MACROD2: variants seen among roughly 807,000 people sequenced by gnomAD.
The protein encoded by MACROD2 is ADP-ribose glycohydrolase MACROD2.
In MACROD2, 36 loss-of-function variants were observed where a neutral mutation model predicts 70.4. The observed-to-expected ratio is 0.51, with a 90% CI of 0.39 to 0.68. The LOEUF (loss-of-function observed/expected upper bound fraction) is 0.68. MACROD2 is among the 30% of genes least tolerant of loss of function. The probability of loss-of-function intolerance (pLI) is 0.00; values close to 1 mark genes in which losing one functional copy is unlikely to be tolerated. For missense variants in MACROD2, 496 were observed against 538.4 expected, an observed-to-expected ratio of 0.92 and a Z score of 0.78; for synonymous variants, 172 against 178.8, an observed-to-expected ratio of 0.96 and a Z score of 0.30.
intron 12 of MACROD2, among the ~76,000 whole-genome samples, chr20:15,961,455 A>G (rs1169210063): frequency 1.3e-5 from 2 of 152,212 alleles, no homozygotes; most frequent in East Asian, 1.9e-4. Context: ...CTCAGCAGCA[A>G]CACTCAGCCA....
At chr20:14,173,260 T>C (rs1231230991) in intron 3 of MACROD2, among the ~76,000 whole-genome samples, 2 of 152,224 alleles carry the variant, frequency 1.3e-5, no homozygotes, top group African/African-American at 4.8e-5. Flanking sequence ...CTTTTCTTCC[T>C]TGGGACCACC....
intron 5 of MACROD2, among the ~76,000 whole-genome samples, chr20:14,930,995 T>A (rs2074290765): frequency 2.6e-5 from 4 of 151,758 alleles, no homozygotes. Context: ...TGAGACCCCA[T>A]CCTTAAAAAT....
intron 8 of MACROD2, among the ~76,000 whole-genome samples, chr20:15,659,687 T>C (rs930556368): frequency 5.3e-5 from 8 of 151,656 alleles, no homozygotes; most frequent in African/African-American, 1.9e-4. Context: ...CTACAAAGAA[T>C]ACCTGAGGCT....
intron 3 of MACROD2, among the ~76,000 whole-genome samples, chr20:14,439,621 C>A (rs1437696794): frequency 6.6e-6 from 1 of 152,056 alleles, no homozygotes; most frequent in Non-Finnish European, 1.5e-5. Flanking sequence ...CTACTTATAG[C>A]TGTACAACTT....
chr20:15,152,200 C>T (rs553670734), intron 5 of MACROD2, among the ~76,000 whole-genome samples: 5 of 151,824 alleles, frequency 3.3e-5, no homozygotes, highest in Admixed American at 1.3e-4. Flanking sequence ...TGGGGTCAAG[C>T]GGCATTGCAG....
chr20:14,724,707 G>T (rs1028505331), intron 5 of MACROD2, among the ~76,000 whole-genome samples: 1 of 152,116 alleles, frequency 6.6e-6, no homozygotes, highest in Non-Finnish European at 1.5e-5. Context: ...AGGCAAAAAG[G>T]CCAGTGAGAC....
intron 4 of MACROD2, among the ~76,000 whole-genome samples, chr20:14,511,804 A>G (rs1264302885): frequency 6.6e-6 from 1 of 152,124 alleles, no homozygotes; most frequent in African/African-American, 2.4e-5. Flanking sequence ...TGATTTAGTA[A>G]TATCCTTTAG....
intron 5 of MACROD2, among the ~76,000 whole-genome samples, chr20:14,940,916 G>A (rs2074384228): frequency 6.7e-6 from 1 of 148,934 alleles, no homozygotes; most frequent in Non-Finnish European, 1.5e-5. Context: ...TGTAGAAGGA[G>A]TTTGGATATA....
chr20:14,675,480 A>C (rs973070108), intron 4 of MACROD2, among the ~76,000 whole-genome samples: 9 of 152,098 alleles, frequency 5.9e-5, no homozygotes, highest in Admixed American at 2.6e-4. Flanking sequence ...GGAGAAATAA[A>C]ATCCTTTACA....
intron 3 of MACROD2, among the ~76,000 whole-genome samples, chr20:14,469,203 A>G: frequency 6.6e-6 from 1 of 152,128 alleles, no homozygotes; most frequent in East Asian, 1.9e-4. Flanking sequence ...GTTTGCCTGT[A>G]TATGAAATTC....
At chr20:14,460,624 GC>G (rs373949253) in intron 3 of MACROD2, among the ~76,000 whole-genome samples, 8 of 152,144 alleles carry the variant, frequency 5.3e-5, no homozygotes, top group African/African-American at 1.9e-4. Context: ...TGAGTTTTTA[GC>G]ATGAAGGGGT....
rs1048459369 is a variant in MACROD2 at position 15,321,723 on chromosome 20, C to A, written c.540+91662C>A. On this transcript the variant is annotated intron_variant, in intron 6 of 17. Coordinates refer to ENST00000684519, the MANE Select transcript of MACROD2 (RefSeq NM_001351661.2). ...TGAGAAAACATTATTTTTTGCCCTGCAAGAGAACAAGTGAATCCATTTGCA... is the reference window on the plus strand; with the variant it reads ...TGAGAAAACATTATTTTTTGCCCTGAAAGAGAACAAGTGAATCCATTTGCA... Among the ~76,000 whole-genome samples, 5 of 144,218 alleles carry A rather than the reference C, an allele frequency of 3.5e-5. 1 individual carries two copies. The highest frequency in any genetic ancestry group is 7.4e-5 in the African/African-American group (3 of 40,370). The allele number at this position is 144,218 out of a possible 152,430, so 94.6% of individuals were successfully genotyped here.
intron 8 of MACROD2, among the ~76,000 whole-genome samples, chr20:15,501,457 A>G (rs6043331): frequency 0.82 from 124,831 of 152,164 alleles, 51,650 homozygotes; most frequent in East Asian, 0.94. Flanking sequence ...ACATCTCATC[A>G]ACAAATTCTA....
intron 3 of MACROD2, among the ~76,000 whole-genome samples, chr20:14,092,940 G>A (rs1413373977): frequency 1.3e-5 from 2 of 152,130 alleles, no homozygotes; most frequent in Admixed American, 6.6e-5. Context: ...CCAGTTTTCC[G>A]CTGAAAAGCA....
At chr20:14,591,131 C>G (rs1187599346) in intron 4 of MACROD2, among the ~76,000 whole-genome samples, 1 of 152,078 alleles carries the variant, frequency 6.6e-6, no homozygotes, top group Non-Finnish European at 1.5e-5. Context: ...TAATTATAAT[C>G]TACATATAAT....
chr20:15,266,495 A>T (rs2077295783), intron 6 of MACROD2, among the ~76,000 whole-genome samples: 1 of 152,224 alleles, frequency 6.6e-6, no homozygotes, highest in South Asian at 2.1e-4. Context: ...TAAAGGAGAA[A>T]GGATGTGACT....
chr20:14,402,517 ATGTCTG>A (rs2083648199), intron 3 of MACROD2, among the ~76,000 whole-genome samples: 1 of 151,964 alleles, frequency 6.6e-6, no homozygotes, highest in African/African-American at 2.4e-5. Flanking sequence ...GTACGTATGT[ATGTCTG>A]TGTCTGTGTG....
intron 5 of MACROD2, among the ~76,000 whole-genome samples, chr20:14,914,749 T>A (rs2074070384): frequency 6.6e-6 from 1 of 152,216 alleles, no homozygotes; most frequent in African/African-American, 2.4e-5. Context: ...ATAGCTTCTC[T>A]TTAGCTTTTG....
intron 5 of MACROD2, among the ~76,000 whole-genome samples, chr20:14,734,844 G>A (rs964858060): frequency 2.0e-5 from 3 of 151,994 alleles, no homozygotes; most frequent in Non-Finnish European, 2.9e-5. Flanking sequence ...TGCATCTATG[G>A]GCCACTGATT....
Sources: allele counts gnomAD v4.1 joint callset (sites outside exome capture counted in the v4.1 genomes callset), GRCh38; gene constraint gnomAD v4.1.1; transcripts MANE v1.5; gene names NCBI Gene and HGNC (gene_info 2026-07-23, HGNC 2026-07-21).